The following UBN2 variants were observed in gnomAD, a reference collection of about 807,000 sequenced individuals.
UBN2 encodes ubinuclein-2.
In UBN2, 35 loss-of-function variants were observed where a neutral mutation model predicts 120.2. The ratio of observed to expected loss-of-function variants is 0.29; its 90% CI spans 0.22 to 0.39. UBN2 has a LOEUF of 0.39. Ranked by LOEUF, UBN2 falls within the 10% of genes least tolerant of loss-of-function variation. UBN2 has a pLI of 1.00. For synonymous variants in UBN2, 661 were observed against 648.7 expected (o/e 1.02, Z -0.29); for missense variants, 1,693 against 1,663.2 (o/e 1.02, Z -0.31).
rs527402704 is a variant in UBN2 at position 139,270,548 on chromosome 7, C to T, written c.1596+1025C>T. On this transcript the variant is annotated intron_variant, in intron 8 of 17. Coordinates refer to ENST00000473989, the MANE Select transcript of UBN2 (RefSeq NM_173569.4). ...CCTCCCAAAGTGCTAGGATTACAGG[C>T]GTGAGCCACCGTGCCTGGCCAGAAA... Among the ~76,000 whole-genome samples, 10 of 152,158 alleles carry T rather than the reference C, an allele frequency of 6.6e-5. 1 individual carries two copies. In the South Asian group the frequency reaches 1.9e-3, roughly 28 times the overall value.
intron 1 of UBN2, among the ~76,000 whole-genome samples, chr7:139,234,837 G>A (rs1331063790): frequency 6.6e-6 from 1 of 152,150 alleles, no homozygotes. Flanking sequence ...TTCATTGTTT[G>A]CGTATTTTTG....
At position 139,283,471 on chromosome 7, in the gene UBN2, C is replaced by T. The variant is rs750998918; in HGVS notation, c.2566C>T (p.Leu856Phe). Residue 856 changes from leucine (L) to phenylalanine (F), a missense_variant, in exon 15 of 18, where the codon CTT becomes TTT. Coordinates refer to ENST00000473989, the MANE Select transcript of UBN2 (RefSeq NM_173569.4). Reference protein sequence around the residue: ...DLAHTGISSGLIAGSSIQNPK... With the variant: ...DLAHTGISSGFIAGSSIQNPK... Reference sequence around the variant, plus strand: ...AGCTCATACTGGCATCTCTTCAGGCCTTATTGCTGGTTCTTCCATTCAGAA... The same window carrying T: ...AGCTCATACTGGCATCTCTTCAGGCTTTATTGCTGGTTCTTCCATTCAGAA... 2 of 1,614,132 alleles carry T rather than the reference C, an allele frequency of 1.2e-6. No individual in the cohort carries two copies. Among genetic ancestry groups the T allele is most frequent in the Non-Finnish European group, 1.7e-6 (2 of 1,180,026 alleles).
chr7:139,269,785 A>G (rs948426438), intron 8 of UBN2, among the ~76,000 whole-genome samples: 3 of 152,030 alleles, frequency 2.0e-5, no homozygotes, highest in Non-Finnish European at 4.4e-5. Context: ...GACAAACAGT[A>G]TTTTTTAATA....
Position 139,301,044 on chromosome 7 carries a change from T to A in UBN2, c.*3208T>A, listed in dbSNP as rs1037808438. ...ATCTGTAGTCATAAAATTCTGATAC[T>A]TTGCGGAAATTAGAAGATGGTGATA... On this transcript the variant is annotated 3_prime_UTR_variant, in exon 18 of 18. Coordinates refer to ENST00000473989, the MANE Select transcript of UBN2 (RefSeq NM_173569.4). The A allele has an allele frequency of 1.3e-5, 2 of 152,180 alleles. No individual in the cohort carries two copies. The highest frequency in any genetic ancestry group is 4.8e-5 in the African/African-American group (2 of 41,438). 9.4% of individuals were successfully genotyped at this position (152,180 alleles called of 1,614,324 possible).
At chr7:139,244,618 C>G (rs1227986036) in intron 2 of UBN2, among the ~76,000 whole-genome samples, 1 of 152,098 alleles carries the variant, frequency 6.6e-6, no homozygotes, top group Non-Finnish European at 1.5e-5. Flanking sequence ...GCTTCCAGTT[C>G]TATCCCTTCT....
At chr7:139,262,682 C>T (rs1796974481) in intron 6 of UBN2, among the ~76,000 whole-genome samples, 1 of 150,200 alleles carries the variant, frequency 6.7e-6, no homozygotes, top group Admixed American at 6.6e-5. Flanking sequence ...CCACTGCACT[C>T]CATCCTGGGT....
At chr7:139,249,655 G>A (rs1796567278) in intron 2 of UBN2, among the ~76,000 whole-genome samples, 1 of 152,142 alleles carries the variant, frequency 6.6e-6, no homozygotes, top group Admixed American at 6.6e-5. Context: ...TGGCTTAGTG[G>A]TGGCATGTTG....
At position 139,284,428 on chromosome 7, in the gene UBN2, G is replaced by A; in HGVS notation, c.3523G>A (p.Gly1175Ser). 6.2e-7 allele frequency: 1 copy of A among 1,614,226 alleles called. No individual in the cohort carries two copies. The highest frequency in any genetic ancestry group is 1.3e-5 in the African/African-American group (1 of 75,056). Residue 1175 changes from glycine to serine, a missense_variant, in exon 15 of 18, where the codon GGT becomes AGT. Transcript: ENST00000473989. Reference protein sequence around the residue: ...GIAMNVPASRGSNLNSSGANR... With the variant: ...GIAMNVPASRSSNLNSSGANR... ...TGCAATGAATGTACCTGCCAGCAGA[G>A]GTAGCAACCTTAACTCAAGCGGAGC...
Position 139,259,310 on chromosome 7 carries a change from A to C in UBN2, c.845A>C (p.Lys282Thr), listed in dbSNP as rs771475647. 6.7e-5 allele frequency: 108 copies of C among 1,613,890 alleles called. No homozygotes were observed. Among genetic ancestry groups the C allele is most frequent in the Non-Finnish European group, 8.5e-5 (100 of 1,179,926 alleles). ...GATGATATTGAGATGAAGAAGCGGA[A>C]GCGGAAAGAGGAAGGGGAAAAGGAG... The part of the protein sequence containing the change: ...KEDDIEMKKR[K>T]RKEEGEKEKK... Residue 282 changes from lysine (K) to threonine (T), a missense_variant, in exon 5 of 18, where the codon AAG (lysine) becomes ACG (threonine). Around this residue, in one of 5 missense-constraint regions of UBN2, gnomAD observed 663 missense variants for 591.2 expected, o/e 1.12. Transcript: ENST00000473989.
chr7:139,251,643 C>T (rs896271271), intron 2 of UBN2, among the ~76,000 whole-genome samples: 1 of 152,144 alleles, frequency 6.6e-6, no homozygotes, highest in African/African-American at 2.4e-5. Flanking sequence ...ACAGAGGTGA[C>T]GAAGTGCAGT....
At chr7:139,281,072 A>T (rs2131029974) in intron 13 of UBN2, among the ~76,000 whole-genome samples, 1 of 152,314 alleles carries the variant, frequency 6.6e-6, no homozygotes, top group South Asian at 2.1e-4. Context: ...AGAATACTAA[A>T]GTCTTAGTAC....
chr7:139,292,564 T>C (rs1301629203), intron 15 of UBN2, among the ~76,000 whole-genome samples: 1 of 152,086 alleles, frequency 6.6e-6, no homozygotes, highest in Non-Finnish European at 1.5e-5. Context: ...TCATTCTGTT[T>C]GATAATAAAA....
chr7:139,288,921 G>A (rs186013789), intron 15 of UBN2, among the ~76,000 whole-genome samples: 60 of 149,414 alleles, frequency 4.0e-4, no homozygotes, highest in Non-Finnish European at 8.1e-4. Context: ...AGGATCACTT[G>A]AATCCTGGAG....
intron 1 of UBN2, among the ~76,000 whole-genome samples, chr7:139,235,421 A>T (rs1208054133): frequency 2.6e-5 from 4 of 152,110 alleles, no homozygotes; most frequent in African/African-American, 9.7e-5. Flanking sequence ...TTTGAGATGA[A>T]GTCTCACTCT....
At chr7:139,291,765 G>C in intron 15 of UBN2, among the ~76,000 whole-genome samples, 1 of 151,952 alleles carries the variant, frequency 6.6e-6, no homozygotes, top group East Asian at 1.9e-4. Context: ...GAGGTGGGAG[G>C]ATCACTTGAG....
intron 15 of UBN2, among the ~76,000 whole-genome samples, chr7:139,292,291 TTAAG>T (rs1317021844): frequency 2.6e-5 from 4 of 152,108 alleles, no homozygotes; most frequent in South Asian, 4.1e-4. Context: ...GGGAATATAT[TTAAG>T]TAAGTTCTCT....
chr7:139,283,258 C>T lies in UBN2; in HGVS notation c.2353C>T (p.Pro785Ser), dbSNP rs1314892897. 1.2e-6 allele frequency: 2 copies of T among 1,613,670 alleles called. No individual in the cohort carries two copies. Among genetic ancestry groups the T allele is most frequent in the Admixed American group, 3.3e-5 (2 of 59,930 alleles). ...TATCAACAATGGGAACAAGGGCCCTCCAGTTGGCTCAAGGATAAGCATGCC... is the reference window on the plus strand; with the variant it reads ...TATCAACAATGGGAACAAGGGCCCTTCAGTTGGCTCAAGGATAAGCATGCC... ...AVINNGNKGP[P>S]VGSRISMPTT... Residue 785 changes from proline (P) to serine (S), a missense_variant, in exon 15 of 18, where the codon CCA (proline) becomes TCA (serine). Physicochemically the swap from Pro to Ser is moderately conservative, Grantham distance 74. Transcript: ENST00000473989.
intron 1 of UBN2, among the ~76,000 whole-genome samples, chr7:139,234,589 C>G (rs1453861709): frequency 6.6e-6 from 1 of 152,138 alleles, no homozygotes; most frequent in South Asian, 2.1e-4. Flanking sequence ...TTGGAATCAT[C>G]TCTATCCTGA....
At chr7:139,241,003 G>A (rs1036318869) in intron 2 of UBN2, among the ~76,000 whole-genome samples, 1 of 152,186 alleles carries the variant, frequency 6.6e-6, no homozygotes, top group Admixed American at 6.5e-5. Context: ...AGGCTCCCAT[G>A]CCTCTCTTTA....
Sources: allele counts gnomAD v4.1 joint callset (sites outside exome capture counted in the v4.1 genomes callset), GRCh38; gene constraint gnomAD v4.1.1; regional missense constraint gnomAD v4.1.1; transcripts MANE v1.5; gene names NCBI Gene and HGNC (gene_info 2026-07-23, HGNC 2026-07-21).